The following CTIF variants were observed in gnomAD, a reference collection of about 807,000 sequenced individuals.
CTIF encodes the protein CBP80/20-dependent translation initiation factor.
In CTIF, 21 loss-of-function variants were observed where a neutral mutation model predicts 66.0. The observed-to-expected ratio is 0.32, with a 90% CI of 0.23 to 0.46. The LOEUF (loss-of-function observed/expected upper bound fraction) is 0.46. Ranked by LOEUF, CTIF falls within the 20% of genes least tolerant of loss-of-function variation. CTIF has a pLI of 1.00. For synonymous variants in CTIF, 345 were observed against 326.4 expected, an observed-to-expected ratio of 1.06 and a Z score of -0.62; for missense variants, 739 against 812.7, an observed-to-expected ratio of 0.91 and a Z score of 1.10.
At chr18:48,593,214 C>T (rs962861879) in intron 1 of CTIF, among the ~76,000 whole-genome samples, 1 of 152,106 alleles carries the variant, frequency 6.6e-6, no homozygotes, top group South Asian at 2.1e-4. Context: ...GGGGAACGCA[C>T]CCAAGATGGA....
chr18:48,660,174 T>C (rs2091317859), intron 3 of CTIF, among the ~76,000 whole-genome samples: 1 of 149,732 alleles, frequency 6.7e-6, no homozygotes, highest in Admixed American at 6.7e-5. Context: ...GCTCTTGATA[T>C]CGTTCAGGGA....
intron 3 of CTIF, among the ~76,000 whole-genome samples, chr18:48,649,745 A>G (rs946402283): frequency 6.6e-6 from 1 of 152,150 alleles, no homozygotes; most frequent in African/African-American, 2.4e-5. Flanking sequence ...CTCTGGGACA[A>G]AGCTTCCAGA....
chr18:48,768,404 G>T (rs1313122013), intron 9 of CTIF, among the ~76,000 whole-genome samples: 13 of 152,152 alleles, frequency 8.5e-5, no homozygotes, highest in African/African-American at 3.1e-4. Flanking sequence ...GCTCTCTGGG[G>T]CATGAGGGGC....
At chr18:48,616,195 A>G (rs886543407) in intron 1 of CTIF, among the ~76,000 whole-genome samples, 2 of 152,216 alleles carry the variant, frequency 1.3e-5, no homozygotes, top group Non-Finnish European at 2.9e-5. Flanking sequence ...GGAGCCCTTG[A>G]TAAGATCTGA....
At chr18:48,612,479 G>A (rs1369631963) in intron 1 of CTIF, among the ~76,000 whole-genome samples, 1 of 152,214 alleles carries the variant, frequency 6.6e-6, no homozygotes, top group African/African-American at 2.4e-5. Flanking sequence ...AGGGGACCAG[G>A]GCCCGAAAGC....
At chr18:48,854,395 G>GTT (rs1243107180) in intron 10 of CTIF, among the ~76,000 whole-genome samples, 1 of 152,106 alleles carries the variant, frequency 6.6e-6, no homozygotes, top group Non-Finnish European at 1.5e-5. Context: ...ACCTGCATGG[G>GTT]AAGAAGTCAT....
intron 9 of CTIF, among the ~76,000 whole-genome samples, chr18:48,795,205 C>A (rs538489582): frequency 6.1e-4 from 93 of 152,240 alleles, no homozygotes; most frequent in African/African-American, 2.1e-3. Flanking sequence ...ACTTAGTTGC[C>A]AGAGAGAGGC....
intron 3 of CTIF, among the ~76,000 whole-genome samples, chr18:48,653,773 C>T (rs1007370311): frequency 3.3e-5 from 5 of 152,204 alleles, no homozygotes; most frequent in African/African-American, 1.2e-4. Context: ...GGTACCAAAA[C>T]AGAGAGCTAG....
intron 1 of CTIF, among the ~76,000 whole-genome samples, chr18:48,557,409 G>A (rs1381399893): frequency 2.0e-5 from 3 of 152,198 alleles, no homozygotes; most frequent in African/African-American, 7.2e-5. Context: ...TTTCTGAATG[G>A]AAGCTGGGAG....
At chr18:48,834,623 T>C (rs1451853786) in intron 10 of CTIF, 1 of 152,634 alleles carries the variant, frequency 6.6e-6, no homozygotes, top group African/African-American at 2.4e-5. Context: ...CCACACTGAA[T>C]ATGCCCAATC....
intron 6 of CTIF, among the ~76,000 whole-genome samples, chr18:48,704,973 C>A (rs1425926991): frequency 1.3e-5 from 2 of 152,216 alleles, no homozygotes; most frequent in African/African-American, 4.8e-5. Context: ...ACTTTTACAC[C>A]AGAGGCCCCT....
In CTIF at chr18:48,763,230, T is replaced by C. The variant is rs564418445; in HGVS notation, c.1371+1541T>C. Among the ~76,000 whole-genome samples the C allele has an allele frequency of 1.2e-4, 19 of 152,246 alleles. No individual in the cohort carries two copies. In the South Asian group the frequency reaches 2.9e-3, roughly 23 times the overall value. On this transcript the variant is annotated intron_variant, in intron 9 of 11. Coordinates refer to ENST00000256413, the MANE Select transcript of CTIF (RefSeq NM_014772.3). ...AGGATGGGGCAAGAGTTCTAGACAGTGGTTGCCAGCTCCAAGTAACCCAGC... is the reference window on the plus strand; with the variant it reads ...AGGATGGGGCAAGAGTTCTAGACAGCGGTTGCCAGCTCCAAGTAACCCAGC...
chr18:48,824,873 C>T (rs1249071732), intron 10 of CTIF, among the ~76,000 whole-genome samples: 3 of 152,192 alleles, frequency 2.0e-5, no homozygotes, highest in African/African-American at 7.2e-5. Flanking sequence ...AACTCCTGAC[C>T]TCAGGTGATC....
chr18:48,859,745 C>T lies in CTIF; in HGVS notation c.*186C>T, dbSNP rs766060033. 6.5e-4 allele frequency: 453 copies of T among 699,068 alleles called. 2 individuals carry two copies. The highest frequency in any genetic ancestry group is 1.2e-4 in the Non-Finnish European group (47 of 383,776). 43.3% of individuals were successfully genotyped at this position (699,068 alleles called of 1,614,324 possible). On this transcript the variant is annotated 3_prime_UTR_variant, in exon 12 of 12. Coordinates refer to ENST00000256413, the MANE Select transcript of CTIF (RefSeq NM_014772.3). ...CAAATCCCTGAGAGGAGTGCCCCCGCACAAGCCCCCCAGCCCGAGCATGCA... is the reference window on the plus strand; with the variant it reads ...CAAATCCCTGAGAGGAGTGCCCCCGTACAAGCCCCCCAGCCCGAGCATGCA...
chr18:48,603,645 G>A (rs1016268974), intron 1 of CTIF, among the ~76,000 whole-genome samples: 26 of 151,668 alleles, frequency 1.7e-4, no homozygotes, highest in Non-Finnish European at 3.1e-4. Flanking sequence ...ATGGATGGAT[G>A]GATGGATGAA....
At chr18:48,730,311 G>GCCCCCGCAGTGTGAGGGC (rs1568171007) in intron 7 of CTIF, among the ~76,000 whole-genome samples, 27 of 138,344 alleles carry the variant, frequency 2.0e-4, no homozygotes, top group African/African-American at 6.5e-4. Flanking sequence ...GGTGTGAGGG[G>GCCCCCGCAGTGTGAGGGC]CTTCTGCGGT....
chr18:48,668,524 G>T (rs763011640), intron 5 of CTIF, among the ~76,000 whole-genome samples: 1 of 152,186 alleles, frequency 6.6e-6, no homozygotes, highest in South Asian at 2.1e-4. Flanking sequence ...ACAGCCGGGG[G>T]CCGGGGGAAA....
At chr18:48,801,741 A>T (rs1205589727) in intron 9 of CTIF, among the ~76,000 whole-genome samples, 1 of 152,208 alleles carries the variant, frequency 6.6e-6, no homozygotes, top group African/African-American at 2.4e-5. Context: ...TTCAAAAGTC[A>T]TTTCTTCAGC....
intron 6 of CTIF, among the ~76,000 whole-genome samples, chr18:48,698,143 C>CAAAAAAAAAAAAAAA (rs1388784042): frequency 2.0e-5 from 1 of 50,222 alleles, no homozygotes; most frequent in Non-Finnish European, 4.1e-5. Flanking sequence ...AAAAAAAAAG[C>CAAAAAAAAAAAAAAA]AAACTCCCCT....
Sources: gnomAD v4.1 joint callset for allele counts (sites outside exome capture counted in the v4.1 genomes callset) on GRCh38, gnomAD v4.1.1 for gene constraint, MANE v1.5 for transcripts, NCBI Gene and HGNC (gene_info 2026-07-23, HGNC 2026-07-21) for gene names.